Variants in RBFOX1 observed in about 807,000 individuals in gnomAD.
RBFOX1 encodes the protein RNA binding fox-1 homolog 1, also known as RNA binding protein fox-1 homolog 1.
Under a neutral mutation model 57.7 loss-of-function variants are expected in RBFOX1, and 8 were observed. That is an observed-to-expected ratio of 0.14 (90% CI 0.08 to 0.25). The LOEUF (loss-of-function observed/expected upper bound fraction) is 0.25, where lower values mean the gene tolerates loss of function less well. Among genes scored for constraint, RBFOX1 ranks in the 10% least tolerant of loss-of-function variants. The pLI is 1.00. For missense variants in RBFOX1, 611 were observed against 548.5 expected, an observed-to-expected ratio of 1.11 and a Z score of -1.14; for synonymous variants, 326 against 222.4, an observed-to-expected ratio of 1.47 and a Z score of -4.15.
chr16:6,270,697 G>A (rs1053614634), intron 1 of RBFOX1, among the ~76,000 whole-genome samples: 2 of 152,038 alleles, frequency 1.3e-5, no homozygotes, highest in African/African-American at 4.8e-5. Context: ...GAAGGATAAA[G>A]AACAATGCAA....
At chr16:6,420,797 G>C (rs2093750478) in intron 2 of RBFOX1, among the ~76,000 whole-genome samples, 1 of 152,200 alleles carries the variant, frequency 6.6e-6, no homozygotes, top group Non-Finnish European at 1.5e-5. Flanking sequence ...AAGAGGCAAA[G>C]ATTGGGGAAA....
intron 1 of RBFOX1, among the ~76,000 whole-genome samples, chr16:6,021,830 C>T (rs1236590805): frequency 6.6e-6 from 1 of 152,136 alleles, no homozygotes; most frequent in Non-Finnish European, 1.5e-5. Flanking sequence ...GTAGTTCTGT[C>T]CTCAGAGGGT....
Position 5,871,326 on chromosome 16 carries a change from G to C in RBFOX1, c.351+3991G>C, listed in dbSNP as rs565337060. Among the ~76,000 whole-genome samples, 4 of 152,280 alleles carry C rather than the reference G, an allele frequency of 2.6e-5. No individual in the cohort carries two copies. The East Asian group carries it at 7.7e-4, about 29-fold the overall frequency. On this transcript the variant is annotated intron_variant, in intron 4 of 19. Transcript: ENST00000641259. ...AAGCAGCCTTTAAGAACCAAACTAA[G>C]ATGTCACATACATAATATAACAGAT...
chr16:5,373,654 G>C (rs1370677784), intron 1 of RBFOX1, among the ~76,000 whole-genome samples: 2 of 151,852 alleles, frequency 1.3e-5, no homozygotes, highest in African/African-American at 4.8e-5. Flanking sequence ...ACCCAGGCTG[G>C]TGTGCGGTGG....
intron 2 of RBFOX1, among the ~76,000 whole-genome samples, chr16:6,545,188 A>T (rs1011481651): frequency 2.0e-5 from 3 of 152,202 alleles, no homozygotes; most frequent in African/African-American, 4.8e-5. Context: ...CTGGACTACA[A>T]GCCTCCTAAC....
At chr16:7,481,556 C>A (rs533930832) in intron 4 of RBFOX1, among the ~76,000 whole-genome samples, 2 of 152,192 alleles carry the variant, frequency 1.3e-5, no homozygotes, top group Middle Eastern at 3.4e-3. Flanking sequence ...GTTAACTTAC[C>A]CTTCAGATGA....
chr16:6,591,385 C>A (rs537590464), intron 2 of RBFOX1, among the ~76,000 whole-genome samples: 1 of 152,134 alleles, frequency 6.6e-6, no homozygotes, highest in African/African-American at 2.4e-5. Context: ...ACTTGGGAGG[C>A]GGAGATTGCA....
chr16:7,710,471 C>T (rs1373031136), intron 15 of RBFOX1, 152 bp from the exon 16 acceptor site: 1 of 1,508,082 alleles, frequency 6.6e-7, no homozygotes, highest in African/African-American at 1.4e-5. Context: ...ATGGCCCTAT[C>T]TTTAGTTCTC....
chr16:6,459,495 T>G (rs1278113153), intron 2 of RBFOX1, among the ~76,000 whole-genome samples: 1 of 152,164 alleles, frequency 6.6e-6, no homozygotes, highest in Non-Finnish European at 1.5e-5. Flanking sequence ...GGAAGACACC[T>G]AAGAAAGAAA....
chr16:5,364,017 TAG>T lies in RBFOX1; in HGVS notation c.220-103196_220-103195del, dbSNP rs946045463. On this transcript the variant is annotated intron_variant, in intron 1 of 2. Coordinates refer to the RBFOX1 transcript ENST00000585867. ...TTTCCAAGAGAAGGAAAAACCAACC[TAG>T]AGTTAGTAGTTACTCCTTCTCTCCC... 1.2e-4 allele frequency among the ~76,000 whole-genome samples: 19 copies of T among 152,238 alleles called. 1 individual carries two copies. The Middle Eastern group carries it at 0.014, about 109-fold the overall frequency.
At chr16:5,526,855 C>G (rs933415506) in intron 2 of RBFOX1, among the ~76,000 whole-genome samples, 1 of 152,124 alleles carries the variant, frequency 6.6e-6, no homozygotes, top group Non-Finnish European at 1.5e-5. Flanking sequence ...TGAAGTAAGA[C>G]TCCTTGCATG....
intron 2 of RBFOX1, among the ~76,000 whole-genome samples, chr16:6,536,815 G>T (rs929521193): frequency 3.9e-5 from 6 of 152,174 alleles, no homozygotes; most frequent in African/African-American, 9.7e-5. Context: ...GCCAAGTTCA[G>T]TGGTGCATTC....
At chr16:6,981,758 T>C (rs8054316) in intron 3 of RBFOX1, among the ~76,000 whole-genome samples, 6,138 of 152,214 alleles carry the variant, frequency 0.04, 414 homozygotes, top group African/African-American at 0.14. Flanking sequence ...ATTCAATTAT[T>C]TCCCGCCTGG....
chr16:6,359,409 G>C (rs1052992786), intron 2 of RBFOX1, among the ~76,000 whole-genome samples: 1 of 152,068 alleles, frequency 6.6e-6, no homozygotes. Flanking sequence ...GGGTCTTTTT[G>C]ACTGTTGGTG....
chr16:7,142,188 C>A lies in RBFOX1; in HGVS notation c.27+90090C>A, dbSNP rs1007989029. 3.9e-5 allele frequency among the ~76,000 whole-genome samples: 6 copies of A among 152,032 alleles called. No individual in the cohort carries two copies. The South Asian group carries it at 1.3e-3, about 32-fold the overall frequency. On this transcript the variant is annotated intron_variant, in intron 4 of 15. Coordinates refer to ENST00000550418, the MANE Select transcript of RBFOX1 (RefSeq NM_018723.4). ...GCGAGCACACACCACCACACCTGAC[C>A]AATTTCTGTATGTTTTGTAAAGATG...
At chr16:6,504,157 C>G (rs1384423649) in intron 2 of RBFOX1, among the ~76,000 whole-genome samples, 1 of 152,110 alleles carries the variant, frequency 6.6e-6, no homozygotes, top group Non-Finnish European at 1.5e-5. Flanking sequence ...AAAGAACAAC[C>G]CCTGGATAAA....
intron 2 of RBFOX1, among the ~76,000 whole-genome samples, chr16:6,406,586 T>G (rs1236414193): frequency 6.6e-6 from 1 of 152,246 alleles, no homozygotes; most frequent in East Asian, 1.9e-4. Flanking sequence ...ACATTTTTTT[T>G]TTTTTTCATT....
At chr16:6,690,466 T>C (rs879942775) in intron 3 of RBFOX1, among the ~76,000 whole-genome samples, 1 of 152,148 alleles carries the variant, frequency 6.6e-6, no homozygotes, top group Non-Finnish European at 1.5e-5. Flanking sequence ...TACTATAGTT[T>C]AACATTAAAG....
At chr16:6,205,413 A>T (rs2097248554) in intron 1 of RBFOX1, among the ~76,000 whole-genome samples, 1 of 152,210 alleles carries the variant, frequency 6.6e-6, no homozygotes, top group Non-Finnish European at 1.5e-5. Flanking sequence ...CAAAGTAATT[A>T]ATGGCATTTT....
Sources: gnomAD v4.1 joint callset for allele counts (sites outside exome capture counted in the v4.1 genomes callset) on GRCh38, gnomAD v4.1.1 for gene constraint, MANE v1.5 for transcripts, NCBI Gene and HGNC (gene_info 2026-07-23, HGNC 2026-07-21) for gene names.